Variants in CNTNAP2 observed in about 807,000 individuals in gnomAD.
The protein encoded by CNTNAP2 is contactin-associated protein-like 2.
A neutral mutation model predicts 155.2 loss-of-function variants in CNTNAP2; 98 were observed. The ratio of observed to expected loss-of-function variants is 0.63; its 90% CI spans 0.54 to 0.75. The LOEUF is 0.75. CNTNAP2 is among the 30% of genes least tolerant of loss of function. CNTNAP2 has a pLI of 0.00. For synonymous variants in CNTNAP2, 651 were observed against 631.2 expected, an observed-to-expected ratio of 1.03 and a Z score of -0.47; for missense variants, 1,727 against 1,688.1, an observed-to-expected ratio of 1.02 and a Z score of -0.40.
intron 15 of CNTNAP2, among the ~76,000 whole-genome samples, chr7:148,061,791 T>G (rs1803136428): frequency 1.4e-5 from 2 of 146,814 alleles, no homozygotes; most frequent in Admixed American, 7.1e-5. Flanking sequence ...AAGTCTGTCT[T>G]TCTTGCTTTT....
intron 15 of CNTNAP2, among the ~76,000 whole-genome samples, chr7:148,114,536 A>G (rs1463907222): frequency 6.6e-6 from 1 of 152,212 alleles, no homozygotes; most frequent in African/African-American, 2.4e-5. Flanking sequence ...AACAAACAAT[A>G]ATAACTCTTT....
intron 1 of CNTNAP2, among the ~76,000 whole-genome samples, chr7:146,363,148 C>T (rs1434396278): frequency 1.3e-5 from 2 of 152,092 alleles, no homozygotes; most frequent in African/African-American, 4.8e-5. Context: ...AGGCATTTTT[C>T]TAAGGAATCA....
chr7:148,011,338 T>A (rs938167491), intron 15 of CNTNAP2, among the ~76,000 whole-genome samples: 2 of 152,208 alleles, frequency 1.3e-5, no homozygotes, highest in African/African-American at 4.8e-5. Flanking sequence ...TGATTATACA[T>A]CATTATTCTA....
At chr7:148,351,228 G>C (rs970342218) in intron 21 of CNTNAP2, among the ~76,000 whole-genome samples, 17 of 152,146 alleles carry the variant, frequency 1.1e-4, no homozygotes, top group Non-Finnish European at 1.5e-5. Context: ...AGGGAGGCTA[G>C]TGGGGAGGCC....
intron 1 of CNTNAP2, among the ~76,000 whole-genome samples, chr7:146,518,254 GA>G (rs1198723636): frequency 6.6e-6 from 1 of 151,390 alleles, no homozygotes; most frequent in Non-Finnish European, 1.5e-5. Context: ...GAACAGGCTT[GA>G]AAAAAATATA....
intron 8 of CNTNAP2, among the ~76,000 whole-genome samples, chr7:147,257,126 G>A (rs907542897): frequency 2.2e-4 from 33 of 152,310 alleles, no homozygotes; most frequent in African/African-American, 7.5e-4. Context: ...AGTCTCATTG[G>A]TGGCTTTTGA....
intron 1 of CNTNAP2, among the ~76,000 whole-genome samples, chr7:146,481,004 A>C (rs548830795): frequency 1.1e-4 from 15 of 139,142 alleles, no homozygotes; most frequent in Non-Finnish European, 1.7e-4. Context: ...TATTAATGAA[A>C]ATTTTTTTTT....
chr7:147,187,442 C>T (rs149346374), intron 8 of CNTNAP2, among the ~76,000 whole-genome samples: 14 of 152,166 alleles, frequency 9.2e-5, no homozygotes, highest in African/African-American at 3.4e-4. Context: ...TAAAAAAGAA[C>T]AGAATTATGT....
intron 13 of CNTNAP2, among the ~76,000 whole-genome samples, chr7:147,723,336 G>C (rs1796593885): frequency 6.6e-6 from 1 of 151,874 alleles, no homozygotes; most frequent in South Asian, 2.1e-4. Flanking sequence ...AATTAATATT[G>C]ATTCAAAGAA....
chr7:147,272,797 G>A (rs1804785990), intron 8 of CNTNAP2, among the ~76,000 whole-genome samples: 1 of 151,896 alleles, frequency 6.6e-6, no homozygotes, highest in Non-Finnish European at 1.5e-5. Flanking sequence ...GTGAGCCACT[G>A]CGCCTGGCCA....
intron 2 of CNTNAP2, among the ~76,000 whole-genome samples, chr7:146,798,787 A>C (rs898760140): frequency 2.0e-5 from 3 of 152,200 alleles, no homozygotes; most frequent in South Asian, 2.1e-4. Context: ...GAACAAATTA[A>C]ATGGTCATTA....
chr7:147,388,676 G>A (rs1052895678), intron 9 of CNTNAP2, among the ~76,000 whole-genome samples: 21 of 151,952 alleles, frequency 1.4e-4, no homozygotes, highest in Non-Finnish European at 3.1e-4. Flanking sequence ...CACCTCCCAA[G>A]TTCAAGCGTT....
At chr7:146,170,061 C>T (rs1362633388) in intron 1 of CNTNAP2, among the ~76,000 whole-genome samples, 2 of 140,500 alleles carry the variant, frequency 1.4e-5, no homozygotes, top group Non-Finnish European at 3.0e-5. Context: ...CACTCTGTTG[C>T]GCAGGCTGAG....
chr7:146,685,424 T>A (rs1307184039), intron 1 of CNTNAP2, among the ~76,000 whole-genome samples: 1 of 152,158 alleles, frequency 6.6e-6, no homozygotes, highest in Non-Finnish European at 1.5e-5. Flanking sequence ...ACATTATGTA[T>A]CATTAGGGTT....
At chr7:146,691,982 G>A (rs1288341129) in intron 1 of CNTNAP2, among the ~76,000 whole-genome samples, 1 of 152,094 alleles carries the variant, frequency 6.6e-6, no homozygotes, top group Non-Finnish European at 1.5e-5. Context: ...AATGTTCTGA[G>A]ACATCCAATG....
intron 1 of CNTNAP2, among the ~76,000 whole-genome samples, chr7:146,541,984 A>G (rs113835821): frequency 0.051 from 7,750 of 152,044 alleles, 651 homozygotes; most frequent in African/African-American, 0.17. Flanking sequence ...CAGGGCAGAA[A>G]TTATTATTTT....
At chr7:146,539,435 C>T in intron 1 of CNTNAP2, among the ~76,000 whole-genome samples, 1 of 151,870 alleles carries the variant, frequency 6.6e-6, no homozygotes, top group South Asian at 2.1e-4. Context: ...AAGCAATCTG[C>T]CAGTTCAATG....
chr7:146,208,367 C>A (rs992138100), intron 1 of CNTNAP2, among the ~76,000 whole-genome samples: 16 of 151,970 alleles, frequency 1.1e-4, no homozygotes, highest in Non-Finnish European at 4.4e-5. Flanking sequence ...ATATTTCACT[C>A]TCTTCTGTCA....
intron 12 of CNTNAP2, among the ~76,000 whole-genome samples, chr7:147,601,344 G>A (rs1048179540): frequency 6.6e-6 from 1 of 151,940 alleles, no homozygotes; most frequent in Non-Finnish European, 1.5e-5. Flanking sequence ...GATTTGGGTA[G>A]GTAGTGGAAA....
Sources: gnomAD v4.1 joint callset for allele counts (sites outside exome capture counted in the v4.1 genomes callset) on GRCh38, gnomAD v4.1.1 for gene constraint, MANE v1.5 for transcripts, NCBI Gene and HGNC (gene_info 2026-07-23, HGNC 2026-07-21) for gene names.